The following RIMS2 variants were observed in gnomAD, a reference collection of about 807,000 sequenced individuals.
The protein encoded by RIMS2 is regulating synaptic membrane exocytosis protein 2.
RIMS2 carries 59 observed loss-of-function variants against 174.4 expected under a neutral mutation model. The ratio of observed to expected loss-of-function variants is 0.34; its 90% confidence interval spans 0.27 to 0.42. RIMS2 has a LOEUF of 0.42. Among genes scored for constraint, RIMS2 ranks in the 10% least tolerant of loss-of-function variants. The pLI is 1.00. For synonymous variants in RIMS2, 606 were observed against 572.5 expected (o/e 1.06, Z -0.84); for missense variants, 1,620 against 1,666.3 (o/e 0.97, Z 0.48).
At chr8:103,922,751 T>C (rs958694881) in intron 10 of RIMS2, 27 of 281,560 alleles carry the variant, frequency 9.6e-5, no homozygotes, top group African/African-American at 5.7e-4. Context: ...TGGGGGTGGG[T>C]GGGGAGGAAA....
chr8:104,014,523 G>C (rs1307973611), exon 19 of RIMS2: 1 of 1,608,144 alleles, frequency 6.2e-7, no homozygotes, highest in Non-Finnish European at 8.5e-7. Flanking sequence ...CCTCGTACTG[G>C]GTCTGTCCAG....
intron 1 of RIMS2, among the ~76,000 whole-genome samples, chr8:103,665,122 G>A (rs899304206): frequency 1.3e-5 from 2 of 152,182 alleles, no homozygotes; most frequent in Non-Finnish European, 2.9e-5. Flanking sequence ...ACCAGGGCCT[G>A]TCTGGGCATG....
chr8:103,606,438 G>T (rs1259802310), intron 1 of RIMS2, among the ~76,000 whole-genome samples: 4 of 150,220 alleles, frequency 2.7e-5, no homozygotes, highest in Non-Finnish European at 5.9e-5. Flanking sequence ...GTCAATTTTG[G>T]AATAAGTGTG....
At chr8:103,585,968 T>A (rs1002003204) in intron 1 of RIMS2, among the ~76,000 whole-genome samples, 5 of 143,556 alleles carry the variant, frequency 3.5e-5, no homozygotes, top group African/African-American at 1.3e-4. Context: ...GCAAAATCGA[T>A]CTCAAGACTA....
chr8:104,055,335 A>G (rs1202016009), intron 19 of RIMS2, among the ~76,000 whole-genome samples: 2 of 152,164 alleles, frequency 1.3e-5, no homozygotes, highest in Non-Finnish European at 2.9e-5. Context: ...ATGACAACAT[A>G]AAAAGTTGAG....
Position 103,537,295 on chromosome 8 carries a change from C to T in RIMS2, c.176+36233C>T, listed in dbSNP as rs77745827. Reference sequence around the variant, plus strand: ...GTTTCTACAAATGCTATATGGTTAACGCCTGAGAGCAAATGGCATTGAATC... The same window carrying T: ...GTTTCTACAAATGCTATATGGTTAATGCCTGAGAGCAAATGGCATTGAATC... On this transcript the variant is annotated intron_variant, in intron 1 of 23. Coordinates refer to ENST00000504942, the Ensembl canonical transcript of RIMS2. Among the ~76,000 whole-genome samples, 938 of 152,256 alleles carry T rather than the reference C, an allele frequency of 6.2e-3. 12 individuals carry two copies. Among genetic ancestry groups the T allele is most frequent in the African/African-American group, 0.021 (889 of 41,530 alleles).
intron 3 of RIMS2, among the ~76,000 whole-genome samples, chr8:103,877,223 A>G (rs955508846): frequency 1.3e-4 from 19 of 151,290 alleles, no homozygotes; most frequent in African/African-American, 4.6e-4. Context: ...TTTTTTTGAT[A>G]TTTTGATTAT....
intron 1 of RIMS2, among the ~76,000 whole-genome samples, chr8:103,634,762 G>A (rs1413930447): frequency 3.3e-5 from 5 of 152,056 alleles, no homozygotes; most frequent in South Asian, 2.1e-4. Flanking sequence ...ACTCTTTACC[G>A]TTATGTAATT....
At chr8:104,110,966 C>T (rs1386238259) in intron 19 of RIMS2, among the ~76,000 whole-genome samples, 2 of 152,092 alleles carry the variant, frequency 1.3e-5, no homozygotes. Context: ...TTTAATTTTC[C>T]ATTTCAAACT....
chr8:104,115,586 A>C (rs1268134925), intron 19 of RIMS2, among the ~76,000 whole-genome samples: 1 of 152,174 alleles, frequency 6.6e-6, no homozygotes, highest in Non-Finnish European at 1.5e-5. Context: ...ATTTCTTCTT[A>C]AGGCAACTTT....
chr8:104,195,801 C>T (rs2099021367), intron 19 of RIMS2, among the ~76,000 whole-genome samples: 1 of 152,148 alleles, frequency 6.6e-6, no homozygotes, highest in African/African-American at 2.4e-5. Context: ...GCATGAGCCA[C>T]CGTGCCCCAC....
intron 14 of RIMS2, among the ~76,000 whole-genome samples, chr8:103,946,455 G>A (rs2083798732): frequency 6.6e-6 from 1 of 152,040 alleles, no homozygotes; most frequent in Non-Finnish European, 1.5e-5. Context: ...TCATGCCACT[G>A]CACTCCAGCC....
chr8:103,831,542 C>G (rs533843813), intron 3 of RIMS2, among the ~76,000 whole-genome samples: 3 of 152,188 alleles, frequency 2.0e-5, no homozygotes, highest in Admixed American at 2.0e-4. Flanking sequence ...CAGAGGAGCT[C>G]CAGAGAATTT....
chr8:103,539,897 A>C (rs569360014), intron 1 of RIMS2, among the ~76,000 whole-genome samples: 8 of 152,322 alleles, frequency 5.3e-5, no homozygotes, highest in African/African-American at 1.9e-4. Flanking sequence ...TAATTTGCAT[A>C]CTGGGCCTTG....
chr8:103,501,298 A>AG (rs149931971), intron 1 of RIMS2: 278,696 of 278,698 alleles, frequency 1, 139,347 homozygotes, highest in Middle Eastern at 1. Context: ...GGCGAGCCTT[A>AG]GGCGGTGTGA....
At chr8:103,506,622 A>G (rs1408841214) in intron 1 of RIMS2, among the ~76,000 whole-genome samples, 1 of 152,188 alleles carries the variant, frequency 6.6e-6, no homozygotes, top group Non-Finnish European at 1.5e-5. Flanking sequence ...GCAATAAATA[A>G]TCATTATTGT....
At chr8:103,853,067 T>A (rs1380392365) in intron 3 of RIMS2, among the ~76,000 whole-genome samples, 2 of 151,928 alleles carry the variant, frequency 1.3e-5, no homozygotes, top group Non-Finnish European at 2.9e-5. Context: ...ACCAAAAAAA[T>A]CTGGGGTTTT....
intron 16 of RIMS2, among the ~76,000 whole-genome samples, chr8:103,980,893 G>A (rs2093843451): frequency 6.6e-6 from 1 of 152,106 alleles, no homozygotes; most frequent in Non-Finnish European, 1.5e-5. Flanking sequence ...TGGTTTGAGT[G>A]CCACCTTAGC....
chr8:104,120,296 A>C (rs568827448), intron 19 of RIMS2, among the ~76,000 whole-genome samples: 2 of 152,332 alleles, frequency 1.3e-5, no homozygotes, highest in Admixed American at 6.5e-5. Context: ...GTGAATACTT[A>C]ATGCTTTTTA....
Sources: allele counts gnomAD v4.1 joint callset (sites outside exome capture counted in the v4.1 genomes callset), GRCh38; gene constraint gnomAD v4.1.1; transcripts MANE v1.5; gene names NCBI Gene and HGNC (gene_info 2026-07-23, HGNC 2026-07-21).